The following ZNF397 variants were observed in gnomAD, a reference collection of about 807,000 sequenced individuals.
ZNF397 encodes the protein zinc finger protein 397.
Under a neutral mutation model 50.6 loss-of-function variants are expected in ZNF397, and 38 were observed. The ratio of observed to expected loss-of-function variants is 0.75; its 90% confidence interval spans 0.58 to 0.98. The LOEUF (loss-of-function observed/expected upper bound fraction) is 0.98, where lower values mean the gene tolerates loss of function less well. ZNF397 is among the 50% of genes least tolerant of loss of function. The pLI, the probability that ZNF397 is intolerant of heterozygous loss-of-function variation, is 0.00. For missense variants in ZNF397, 624 were observed against 624.1 expected (o/e 1.00, Z 0.00); for synonymous variants, 228 against 215.2 (o/e 1.06, Z -0.52).
In ZNF397 at chr18:35,245,874, T is replaced by A. The variant is rs2043470612; in HGVS notation, c.1169T>A (p.Ile390Asn). The change falls in exon 4 of 4, where the codon ATT (isoleucine) becomes AAT (asparagine). Residue 390 changes from isoleucine (I) to asparagine (N), a missense_variant. By Grantham distance (149) the Ile-to-Asn change is moderately radical (BLOSUM62 -3). Coordinates refer to ENST00000330501, the MANE Select transcript of ZNF397 (RefSeq NM_001135178.3). ...TCATATCTCATTATACATCAAAGAA[T>A]TCACACTGGTGAGAAACCTTATGAG... The part of the protein sequence containing the change: ...QSSYLIIHQR[I>N]HTGEKPYECN... The A allele has an allele frequency of 1.3e-6, 2 of 1,556,814 alleles. No homozygotes were observed. Among genetic ancestry groups the A allele is most frequent in the Non-Finnish European group, 1.7e-6 (2 of 1,150,052 alleles).
downstream of ZNF397, chr18:35,254,472 A>G: frequency 1.3e-6 from 2 of 1,590,392 alleles, no homozygotes; most frequent in Non-Finnish European, 1.7e-6. Context: ...TGAAATAGGT[A>G]TTTATTTATT....
chr18:35,242,920 T>C (rs779326527), intron 2 of ZNF397, 36 bp downstream of exon 2: 2 of 1,565,190 alleles, frequency 1.3e-6, no homozygotes, highest in Admixed American at 3.9e-5. Context: ...GAAAAGGAAT[T>C]TACAGCCTGG....
intron 3 of ZNF397, 36 bp downstream of exon 3, chr18:35,243,329 C>T: frequency 1.1e-5 from 18 of 1,614,132 alleles, no homozygotes; most frequent in Non-Finnish European, 1.5e-5. Flanking sequence ...ACTCTTGACA[C>T]TTAGGCCTCT....
In ZNF397 at chr18:35,249,652, CAAAAAAAAAAAAA is replaced by C. The variant is rs35303747; in HGVS notation, c.*3356_*3368del. 2.3e-4 allele frequency: 6 copies of C among 25,634 alleles called. No homozygotes were observed. The highest frequency in any genetic ancestry group is 8.1e-4 in the African/African-American group (6 of 7,428). The allele number at this position is 25,634 out of a possible 1,614,324, so 1.6% of individuals were successfully genotyped here. A position where few individuals can be genotyped will look rare whatever the true frequency, so the allele number is the denominator to read the frequency against. On this transcript the variant is annotated 3_prime_UTR_variant, in exon 4 of 4. Transcript: ENST00000330501. Reference sequence around the variant, plus strand: ...TGGGTGACAGAGTGAGACTGTGTCTCAAAAAAAAAAAAAAAAAAAAAAAAAACACTGATGTCAA... The same window carrying C: ...TGGGTGACAGAGTGAGACTGTGTCTCAAAAAAAAAAAAACACTGATGTCAA...
In ZNF397 at chr18:35,245,282, G is replaced by A. The variant is rs768184944; in HGVS notation, c.577G>A (p.Ala193Thr). The A allele has an allele frequency of 6.2e-7, 1 of 1,604,664 alleles. No homozygotes were observed. The highest frequency in any genetic ancestry group is 8.5e-7 in the Non-Finnish European group (1 of 1,174,156). Residue 193 changes from alanine (A) to threonine (T), a missense_variant, in exon 4 of 4, where the codon GCA (alanine) becomes ACA (threonine). By Grantham distance (58) the Ala-to-Thr change is moderately conservative (BLOSUM62 0). Coordinates refer to ENST00000330501, the MANE Select transcript of ZNF397 (RefSeq NM_001135178.3). ...TTCAGATTGTGAGAACAGTGAAACA[G>A]CAACAAAAGAGGGCATCTCAGAAGA... ...PKSDCENSET[A>T]TKEGISEEKS...
At chr18:35,256,886 A>G (rs1299554780) in intron 5 of ZNF397, among the ~76,000 whole-genome samples, 1 of 152,148 alleles carries the variant, frequency 6.6e-6, no homozygotes, top group African/African-American at 2.4e-5. Flanking sequence ...GGATCCTCCC[A>G]CCTCAGTCTC....
At chr18:35,257,911 C>T (rs373935314) in intron 5 of ZNF397, 16 of 780,940 alleles carry the variant, frequency 2.0e-5, no homozygotes, top group Non-Finnish European at 3.6e-5. Flanking sequence ...AATCCTGCTT[C>T]TCTCTCTCCA....
intron 1 of ZNF397, among the ~76,000 whole-genome samples, chr18:35,242,128 CTA>C (rs1205313416): frequency 6.6e-6 from 1 of 152,196 alleles, no homozygotes; most frequent in Non-Finnish European, 1.5e-5. Context: ...AATTTTCTCA[CTA>C]TGTGATTGAT....
rs1181128180 is a variant in ZNF397, at chr18:35,246,109, T to C, written c.1404T>C (p.Leu468=). ...AAGCTTTCAGTTTGAGCTCAAACCTTATCAGACATCAGAGAATTCATAGTG... is the reference window on the plus strand; with the variant it reads ...AAGCTTTCAGTTTGAGCTCAAACCTCATCAGACATCAGAGAATTCATAGTG... ...CGKAFSLSSN[L]IRHQRIHSGE... is the part of the protein sequence containing the mutation. Residue 468 remains leucine (L), a synonymous_variant, in exon 4 of 4, where the codon CTT becomes CTC. Coordinates refer to ENST00000330501, the MANE Select transcript of ZNF397 (RefSeq NM_001135178.3). The C allele has an allele frequency of 5.2e-6, 8 of 1,553,046 alleles. No individual in the cohort carries two copies. Among genetic ancestry groups the C allele is most frequent in the Non-Finnish European group, 7.0e-6 (8 of 1,147,750 alleles).
Position 35,242,794 on chromosome 18 carries a change from C to G in ZNF397, c.324C>G (p.Ile108Met), listed in dbSNP as rs1244944368. The G allele has an allele frequency of 1.2e-6, 2 of 1,614,154 alleles. No homozygotes were observed. Among genetic ancestry groups the G allele is most frequent in the Non-Finnish European group, 1.7e-6 (2 of 1,180,032 alleles). ...GCATTCTGCCTGAGGAGCTGCAGAT[C>G]TGGGTTCAGCAACATAATCCAGAAA... ...FLSILPEELQ[I>M]WVQQHNPESG... Residue 108 changes from isoleucine to methionine, a missense_variant, in exon 2 of 4, where the codon ATC (isoleucine) becomes ATG (methionine). Transcript: ENST00000330501.
At position 35,242,480 on chromosome 18, in the gene ZNF397, G is replaced by C; in HGVS notation, c.10G>C (p.Glu4Gln). The C allele has an allele frequency of 6.2e-7, 1 of 1,611,462 alleles. No individual in the cohort carries two copies. MAV[E>Q]SGVISTLIPQ... Reference sequence around the variant, plus strand: ...GCTGTTTCAGCCAAGAATGGCTGTGGAATCTGGAGTGATTTCAACCCTGAT... The same window carrying C: ...GCTGTTTCAGCCAAGAATGGCTGTGCAATCTGGAGTGATTTCAACCCTGAT... Residue 4 changes from glutamate to glutamine, a missense_variant, in exon 2 of 4, where the codon GAA becomes CAA. Coordinates refer to ENST00000330501, the MANE Select transcript of ZNF397 (RefSeq NM_001135178.3).
Position 35,245,525 on chromosome 18 carries a change from A to G in ZNF397, c.820A>G (p.Met274Val), listed in dbSNP as rs2043462496. 1.9e-6 allele frequency: 3 copies of G among 1,552,416 alleles called. No individual in the cohort carries two copies. Among genetic ancestry groups the G allele is most frequent in the South Asian group, 2.4e-5 (2 of 84,074 alleles). Residue 274 changes from methionine to valine, a missense_variant, in exon 4 of 4, where the codon ATG (methionine) becomes GTG (valine). Met to Val is a conservative substitution (Grantham distance 21). Transcript: ENST00000330501. ...CTTGATTCTAACTACAGACTCTATA[A>G]TGTGTCAGAAAGTTCCTCCAGAAGA... ...RCLILTTDSI[M>V]CQKVPPEERP...
At chr18:35,255,999 T>C (rs2043796062) in intron 5 of ZNF397, among the ~76,000 whole-genome samples, 2 of 152,088 alleles carry the variant, frequency 1.3e-5, no homozygotes, top group Non-Finnish European at 2.9e-5. Context: ...AATTATAGGG[T>C]ATAAAGTGGC....
Position 35,242,833 on chromosome 18 carries a change from T to A in ZNF397, c.363T>A (p.Ala121=). The A allele has an allele frequency of 6.2e-7, 1 of 1,613,948 alleles. No individual in the cohort carries two copies. The highest frequency in any genetic ancestry group is 8.5e-7 in the Non-Finnish European group (1 of 1,179,900). ...QQHNPESGEE[A]VTLLEDLERE... ...ATAATCCAGAAAGCGGCGAGGAAGC[T>A]GTGACCCTGTTGGAGGATTTAGAGA... The change falls in exon 2 of 4, where the codon GCT becomes GCA. Residue 121 remains alanine, a synonymous_variant. Transcript: ENST00000330501.
downstream of ZNF397, chr18:35,254,535 CT>C (rs2043724633): frequency 7.0e-7 from 1 of 1,436,184 alleles, no homozygotes; most frequent in Non-Finnish European, 9.4e-7. Context: ...GAGAAGTGGC[CT>C]GGGGTAGCCA....
intron 5 of ZNF397, chr18:35,257,821 G>A (rs887682683): frequency 2.7e-5 from 21 of 773,324 alleles, no homozygotes; most frequent in African/African-American, 1.7e-4. Flanking sequence ...ATGCTTCAGC[G>A]GCCCATGAAA....
Position 35,242,833 on chromosome 18 carries a change from T to C in ZNF397, c.363T>C (p.Ala121=), listed in dbSNP as rs1423990681. The change falls in exon 2 of 4, where the codon GCT becomes GCC. Residue 121 remains alanine, a synonymous_variant. Coordinates refer to ENST00000330501, the MANE Select transcript of ZNF397 (RefSeq NM_001135178.3). ...ATAATCCAGAAAGCGGCGAGGAAGC[T>C]GTGACCCTGTTGGAGGATTTAGAGA... ...QQHNPESGEE[A]VTLLEDLERE... 2.5e-6 allele frequency: 4 copies of C among 1,613,948 alleles called. No homozygotes were observed.
In ZNF397 at chr18:35,246,537, C is replaced by T. The variant is rs1417166027; in HGVS notation, c.*227C>T. 6.2e-6 allele frequency: 8 copies of T among 1,298,470 alleles called. No homozygotes were observed. Among genetic ancestry groups the T allele is most frequent in the Non-Finnish European group, 6.8e-6 (7 of 1,026,090 alleles). 80.4% of individuals were successfully genotyped at this position (1,298,470 alleles called of 1,614,324 possible). A position where few individuals can be genotyped will look rare whatever the true frequency, so the allele number is the denominator to read the frequency against. ...AAGAATCATTACTTCCAGCTCTTCT[C>T]TTATTAGGAATACTCAGGAAATACG... On this transcript the variant is annotated 3_prime_UTR_variant, in exon 4 of 4. Coordinates refer to ENST00000330501, the MANE Select transcript of ZNF397 (RefSeq NM_001135178.3).
In ZNF397 at chr18:35,241,046, C is replaced by T. The variant is rs1284150022; in HGVS notation, c.-144C>T. On this transcript the variant is annotated 5_prime_UTR_variant, in exon 1 of 4. Coordinates refer to ENST00000330501, the MANE Select transcript of ZNF397 (RefSeq NM_001135178.3). ...AGCGGAACACTGCGTACGCGCACTTCCGGTCTTTGTGGCTTGCAGCTCGGG... is the reference window on the plus strand; with the variant it reads ...AGCGGAACACTGCGTACGCGCACTTTCGGTCTTTGTGGCTTGCAGCTCGGG... The T allele has an allele frequency of 6.6e-6, 1 of 152,406 alleles. No homozygotes were observed. Among genetic ancestry groups the T allele is most frequent in the Non-Finnish European group, 1.5e-5 (1 of 68,172 alleles). 9.4% of individuals were successfully genotyped at this position (152,406 alleles called of 1,614,324 possible). A position where few individuals can be genotyped will look rare whatever the true frequency, so the allele number is the denominator to read the frequency against.
Sources: gnomAD v4.1 joint callset for allele counts (sites outside exome capture counted in the v4.1 genomes callset) on GRCh38, gnomAD v4.1.1 for gene constraint, MANE v1.5 for transcripts, NCBI Gene and HGNC (gene_info 2026-07-23, HGNC 2026-07-21) for gene names.